GUSB: variants seen among roughly 807,000 people sequenced by gnomAD.
GUSB encodes the protein glucuronidase beta.
A neutral mutation model predicts 74.6 loss-of-function variants in GUSB; 51 were observed. That is an observed-to-expected ratio of 0.68 (90% CI 0.55 to 0.86). GUSB has a LOEUF of 0.86. Ranked by LOEUF, GUSB falls within the 40% of genes least tolerant of loss-of-function variation. GUSB has a pLI of 0.00. For missense variants in GUSB, 736 were observed against 853.7 expected (o/e 0.86, Z 1.72); for synonymous variants, 360 against 348.3 (o/e 1.03, Z -0.37).
chr7:65,977,531 C>A (rs1437273134), intron 4 of GUSB, among the ~76,000 whole-genome samples: 1 of 151,904 alleles, frequency 6.6e-6, no homozygotes, highest in African/African-American at 2.4e-5. Context: ...TTTTTAAATT[C>A]TTTTTTATTC....
rs781768877 is a variant in GUSB, at chr7:65,964,387, T to G, written c.1725A>C (p.Gln575His). 1.2e-6 allele frequency: 2 copies of G among 1,611,686 alleles called. No individual in the cohort carries two copies. The stretch of plus-strand genomic sequence containing the variant: ...CTCCAACCACGTATTTTCTGCGTTT[T>G]TGATCCAGACCCAGATGGTACTGCT... Reference protein sequence around the residue: ...LLEQYHLGLDQKRRKYVVGEL... With the variant: ...LLEQYHLGLDHKRRKYVVGEL... Residue 575 changes from glutamine to histidine, a missense_variant, in exon 11 of 12, where the codon CAA (glutamine) becomes CAC (histidine). Physicochemically the swap from Gln to His is conservative, Grantham distance 24. Coordinates refer to ENST00000304895, the MANE Select transcript of GUSB (RefSeq NM_000181.4).
Position 65,974,659 on chromosome 7 carries a change from TGAAGTCCTTCACCAGCAGCGGCCAGTC to T in GUSB, c.1084_1110del (p.Asp362_Phe370del), listed in dbSNP as rs1791443181. 4 of 1,613,902 alleles carry T rather than the reference TGAAGTCCTTCACCAGCAGCGGCCAGTC, an allele frequency of 2.5e-6. No individual in the cohort carries two copies. Among genetic ancestry groups the T allele is most frequent in the Non-Finnish European group, 3.4e-6 (4 of 1,180,042 alleles). On this transcript the variant is annotated inframe_deletion, in exon 7 of 12. Coordinates refer to ENST00000304895, the MANE Select transcript of GUSB (RefSeq NM_000181.4). ...TTGGCACCAAGCCAGCGAAGCAGGT[TGAAGTCCTTCACCAGCAGCGGCCAGTC>T]GAAGCCCTTCCCTCGGATCTAGGAG... is the stretch of plus-strand genomic sequence containing the variant.
rs779499448 is a variant in GUSB, at chr7:65,982,072, A to C, written c.112T>G (p.Cys38Gly). 5.6e-6 allele frequency: 9 copies of C among 1,607,582 alleles called. No homozygotes were observed. Among genetic ancestry groups the C allele is most frequent in the Non-Finnish European group, 7.6e-6 (9 of 1,178,060 alleles). ...CTCCAGAGGCCGTCCAGCTCCTTGCACTCCCGCGACGGGCTCTCCTGGGGG... is the reference window on the plus strand; with the variant it reads ...CTCCAGAGGCCGTCCAGCTCCTTGCCCTCCCGCGACGGGCTCTCCTGGGGG... ...LYPQESPSRE[C>G]KELDGLWSFR... Residue 38 changes from cysteine (C) to glycine (G), a missense_variant, in exon 1 of 12, where the codon TGC (cysteine) becomes GGC (glycine). Physicochemically the swap from Cys to Gly is radical, Grantham distance 159 (BLOSUM62 -3). Around this residue, in one of 2 missense-constraint regions of GUSB, gnomAD observed 368 missense variants for 363.8 expected, o/e 1.01. Transcript: ENST00000304895.
In GUSB at chr7:65,964,402, A is replaced by G; in HGVS notation, c.1710T>C (p.His570=). The part of the protein sequence containing the change: ...EYQKSLLEQY[H]LGLDQKRRKY... ...TTCTGCGTTTTTGATCCAGACCCAG[A>G]TGGTACTGCTCTAGCAGACTTTTCT... is the stretch of plus-strand genomic sequence containing the variant. Residue 570 remains histidine, a synonymous_variant, in exon 11 of 12, where the codon CAT becomes CAC. Coordinates refer to ENST00000304895, the MANE Select transcript of GUSB (RefSeq NM_000181.4). The G allele has an allele frequency of 6.2e-7, 1 of 1,610,694 alleles. No individual in the cohort carries two copies. The highest frequency in any genetic ancestry group is 8.5e-7 in the Non-Finnish European group (1 of 1,178,634).
chr7:65,980,185 G>GGGGCCCC, intron 2 of GUSB, 39 bp downstream of exon 2: 1 of 725,272 alleles, frequency 1.4e-6, no homozygotes, highest in Non-Finnish European at 2.4e-6. Context: ...CAGCAGCCGT[G>GGGGCCCC]CCCCCCCACC....
Position 65,964,457 on chromosome 7 carries a change from T to C in GUSB, c.1655A>G (p.Asp552Gly), listed in dbSNP as rs1790699374. The change falls in exon 11 of 12, where the codon GAT (aspartate) becomes GGT (glycine). Residue 552 changes from aspartate (D) to glycine (G), a missense_variant and splice_region_variant. Transcript: ENST00000304895. ...GAETIAGFHQ[D>G]PPLMFTEEYQ... ...CTCTTCAGTGAACATCAGAGGTGGATCCTAGGATTCAAGGCAAAGAGAATG... is the reference window on the plus strand; with the variant it reads ...CTCTTCAGTGAACATCAGAGGTGGACCCTAGGATTCAAGGCAAAGAGAATG... 4.3e-6 allele frequency: 7 copies of C among 1,610,770 alleles called. No homozygotes were observed. Among genetic ancestry groups the C allele is most frequent in the Non-Finnish European group, 5.9e-6 (7 of 1,178,876 alleles).
chr7:65,976,302 TC>T, intron 4 of GUSB, 100 bp from the exon 5 acceptor site: 1 of 800,322 alleles, frequency 1.2e-6, no homozygotes, highest in Non-Finnish European at 2.1e-6. Flanking sequence ...GCCATTTGTT[TC>T]TGTTGCTTTT....
chr7:65,972,437 T>C (rs1791277046), intron 8 of GUSB, among the ~76,000 whole-genome samples: 1 of 152,228 alleles, frequency 6.6e-6, no homozygotes, highest in South Asian at 2.1e-4. Flanking sequence ...GTGCTGGGAT[T>C]ACAGGCGTGA....
At chr7:65,971,931 C>G (rs1222345828) in intron 8 of GUSB, among the ~76,000 whole-genome samples, 1 of 151,544 alleles carries the variant, frequency 6.6e-6, no homozygotes, top group Non-Finnish European at 1.5e-5. Context: ...CCCAGCTACT[C>G]GGGAGGCTGA....
Position 65,974,916 on chromosome 7 carries a change from C to T in GUSB, c.1065+3G>A. 6.2e-7 allele frequency: 1 copy of T among 1,613,586 alleles called. No individual in the cohort carries two copies. Among genetic ancestry groups the T allele is most frequent in the African/African-American group, 1.3e-5 (1 of 75,030 alleles). On this transcript the variant is annotated splice_donor_region_variant and intron_variant, in intron 6 of 11. Transcript: ENST00000304895. The stretch of plus-strand genomic sequence containing the variant: ...CGACAAGGACCCAGGAGCCCCAACA[C>T]ACGTCCGCATCCTCATGCTTGTTGA...
rs748788618 is a variant in GUSB, at chr7:65,970,327, C to A, written c.1431G>T (p.Arg477=). The change falls in exon 9 of 12, where the codon CGG becomes CGT. Residue 477 remains arginine (R), a synonymous_variant. Transcript: ENST00000304895. ...IAHTKSLDPS[R]PVTFVSNSNY... ...TAGAGTTGCTCACAAAGGTCACAGGCCGGGAGGGGTCCAAGGATTTGGTGT... is the reference window on the plus strand; with the variant it reads ...TAGAGTTGCTCACAAAGGTCACAGGACGGGAGGGGTCCAAGGATTTGGTGT... 2.5e-6 allele frequency: 4 copies of A among 1,613,284 alleles called. No individual in the cohort carries two copies. The highest frequency in any genetic ancestry group is 3.4e-6 in the Non-Finnish European group (4 of 1,179,692).
chr7:65,980,185 G>GCTC, intron 2 of GUSB, 39 bp downstream of exon 2: 9 of 725,272 alleles, frequency 1.2e-5, no homozygotes, highest in South Asian at 4.6e-5. Context: ...CAGCAGCCGT[G>GCTC]CCCCCCCACC....
In GUSB at chr7:65,980,398, G is replaced by A. The variant is rs140016611; in HGVS notation, c.222C>T (p.Thr74=). The change falls in exon 2 of 12, where the codon ACC becomes ACT. Residue 74 remains threonine, a synonymous_variant. Transcript: ENST00000304895. The part of the protein sequence containing the change: ...YRRPLWESGP[T]VDMPVPSSFN... Reference sequence around the variant, plus strand: ...AGCTGGAGGGAACTGGCATGTCCACGGTGGGGCCTGACTGTGGAGAGAAGA... The same window carrying A: ...AGCTGGAGGGAACTGGCATGTCCACAGTGGGGCCTGACTGTGGAGAGAAGA... 2.2e-3 allele frequency: 3,610 copies of A among 1,613,162 alleles called. 11 individuals carry two copies. The highest frequency in any genetic ancestry group is 2.7e-3 in the Non-Finnish European group (3,178 of 1,179,594).
At chr7:65,977,399 C>T (rs1791654656) in intron 4 of GUSB, among the ~76,000 whole-genome samples, 1 of 152,196 alleles carries the variant, frequency 6.6e-6, no homozygotes, top group Non-Finnish European at 1.5e-5. Context: ...ATCTCGGCCT[C>T]CAAAAGTGCT....
In GUSB at chr7:65,976,212, A is replaced by G. The variant is rs749865548; in HGVS notation, c.725-10T>C. ...TGGTAATTCACCAGCCCTGCAAGAA[A>G]CAAGAGAGACCAGGGCTGAGGGAGG... On this transcript the variant is annotated splice_polypyrimidine_tract_variant and intron_variant, in intron 4 of 11. Coordinates refer to ENST00000304895, the MANE Select transcript of GUSB (RefSeq NM_000181.4). 6.2e-7 allele frequency: 1 copy of G among 1,605,886 alleles called. No homozygotes were observed.
At chr7:65,973,680 C>CCA (rs1212735882) in intron 8 of GUSB, among the ~76,000 whole-genome samples, 125 of 152,346 alleles carry the variant, frequency 8.2e-4, no homozygotes, top group African/African-American at 2.9e-3. Context: ...TCACTTGAAC[C>CCA]TGAGCGGCAG....
chr7:65,967,876 C>G lies in GUSB; in HGVS notation c.1508G>C (p.Ser503Thr). The change falls in exon 10 of 12, where the codon AGC (serine) becomes ACC (threonine). Residue 503 changes from serine to threonine, a missense_variant. Coordinates refer to ENST00000304895, the MANE Select transcript of GUSB (RefSeq NM_000181.4). ...APYVDVICLN[S>T]YYSWYHDYGH... ...GTAGTCGTGATACCAAGAGTAGTAG[C>G]TGTTCAAACAGATCACATCCACATA... The G allele has an allele frequency of 6.2e-7, 1 of 1,603,268 alleles. No homozygotes were observed. The highest frequency in any genetic ancestry group is 8.5e-7 in the Non-Finnish European group (1 of 1,179,854).
In GUSB at chr7:65,976,170, T is replaced by A; in HGVS notation, c.757A>T (p.Ser253Cys). Residue 253 changes from serine to cysteine, a missense_variant, in exon 5 of 12, where the codon AGT becomes TGT. Ser to Cys is a moderately radical substitution (Grantham distance 112, BLOSUM62 -1). This residue lies in a region of GUSB where 368 missense variants were observed against 363.8 expected (regional missense o/e 1.01). Coordinates refer to ENST00000304895, the MANE Select transcript of GUSB (RefSeq NM_000181.4). ...CGCACTTCCAACTTGAACAGGTTAC[T>A]GCCCTTGACAGAGATCTGGTAATTC... ...LVNYQISVKG[S>C]NLFKLEVRLL... 1 of 1,613,492 alleles carries A rather than the reference T, an allele frequency of 6.2e-7. No individual in the cohort carries two copies. The highest frequency in any genetic ancestry group is 2.2e-5 in the East Asian group (1 of 44,876).
chr7:65,971,510 T>C (rs1242725978), intron 8 of GUSB, among the ~76,000 whole-genome samples: 1 of 151,690 alleles, frequency 6.6e-6, no homozygotes, highest in African/African-American at 2.4e-5. Context: ...GGGTGGATCA[T>C]GAGGTCAAGA....
Sources: gnomAD v4.1 joint callset for allele counts (sites outside exome capture counted in the v4.1 genomes callset) on GRCh38, gnomAD v4.1.1 for gene constraint, gnomAD v4.1.1 regional missense constraint, MANE v1.5 for transcripts, NCBI Gene and HGNC (gene_info 2026-07-23, HGNC 2026-07-21) for gene names.